ZNF431: variants seen among roughly 807,000 people sequenced by gnomAD.
The protein encoded by ZNF431 is zinc finger protein 431.
Under a neutral mutation model 57.0 loss-of-function variants are expected in ZNF431, and 34 were observed. That is an observed-to-expected ratio of 0.60 (90% CI 0.45 to 0.79). The LOEUF (loss-of-function observed/expected upper bound fraction) is 0.79. Ranked by LOEUF, ZNF431 falls within the 30% of genes least tolerant of loss-of-function variation. ZNF431 has a pLI of 0.00. For missense variants in ZNF431, 607 were observed against 667.1 expected (o/e 0.91, Z 0.99); for synonymous variants, 207 against 220.3 (o/e 0.94, Z 0.54).
intron 3 of ZNF431, 98 bp downstream of exon 3, chr19:21,166,559 G>T: frequency 7.4e-7 from 1 of 1,349,442 alleles, no homozygotes; most frequent in Non-Finnish European, 1.0e-6. Context: ...TTGTATAAAT[G>T]AGTTTCTAAT....
chr19:21,159,435 C>T (rs1440497926), intron 2 of ZNF431, among the ~76,000 whole-genome samples: 8 of 152,086 alleles, frequency 5.3e-5, no homozygotes, highest in South Asian at 2.1e-4. Context: ...TGCAGTGGCG[C>T]GATCTTGGCT....
At chr19:21,143,258 G>T (rs1236708145) in intron 1 of ZNF431, among the ~76,000 whole-genome samples, 2 of 152,084 alleles carry the variant, frequency 1.3e-5, no homozygotes, top group South Asian at 4.1e-4. Flanking sequence ...AAAAATATCT[G>T]TAAATATTTC....
chr19:21,152,820 C>T (rs1006483029), intron 2 of ZNF431, among the ~76,000 whole-genome samples: 5 of 152,124 alleles, frequency 3.3e-5, no homozygotes, highest in African/African-American at 1.2e-4. Flanking sequence ...TCAGAGGTCT[C>T]TTAAGTATAG....
intron 1 of ZNF431, 131 bp downstream of exon 1, chr19:21,142,317 G>T (rs376509725): frequency 1.6e-5 from 21 of 1,314,226 alleles, no homozygotes; most frequent in Non-Finnish European, 2.3e-5. Flanking sequence ...TCCTTGCCCA[G>T]CTCGGCCTCA....
In ZNF431 at chr19:21,183,472, A is replaced by G; in HGVS notation, c.1169A>G (p.His390Arg). 3 of 1,613,950 alleles carry G rather than the reference A, an allele frequency of 1.9e-6. No homozygotes were observed. The highest frequency in any genetic ancestry group is 2.5e-6 in the Non-Finnish European group (3 of 1,179,942). Residue 390 changes from histidine to arginine, a missense_variant, in exon 5 of 5, where the codon CAT becomes CGT. Coordinates refer to ENST00000311048, the MANE Select transcript of ZNF431 (RefSeq NM_133473.4). ...AATTGGTCCTCAACCCTTACTAAAC[A>G]TAAAAGAATTCATACTGGAGAGAAA... Reference protein sequence around the residue: ...GFNWSSTLTKHKRIHTGEKPY... With the variant: ...GFNWSSTLTKRKRIHTGEKPY...
At chr19:21,153,561 C>G (rs1411717949) in intron 2 of ZNF431, among the ~76,000 whole-genome samples, 1 of 152,234 alleles carries the variant, frequency 6.6e-6, no homozygotes, top group Non-Finnish European at 1.5e-5. Flanking sequence ...CTTCATTGTT[C>G]CCCACCTCTT....
intron 2 of ZNF431, among the ~76,000 whole-genome samples, chr19:21,164,023 G>C (rs1338257157): frequency 2.7e-5 from 4 of 150,292 alleles, no homozygotes; most frequent in Non-Finnish European, 5.9e-5. Context: ...GGATGTTGCA[G>C]TGAGCTGAGA....
intron 2 of ZNF431, among the ~76,000 whole-genome samples, chr19:21,147,936 A>AT (rs1970149421): frequency 6.6e-6 from 1 of 151,860 alleles, no homozygotes; most frequent in South Asian, 2.1e-4. Flanking sequence ...AATGAGCCAA[A>AT]TTTTTACTAT....
chr19:21,147,380 G>A (rs575477476), intron 2 of ZNF431, among the ~76,000 whole-genome samples: 127 of 152,106 alleles, frequency 8.3e-4, no homozygotes, highest in African/African-American at 3.0e-3. Context: ...TCCCAGCCTA[G>A]TTGGGAGGCT....
At chr19:21,158,205 T>C (rs1386818141) in intron 2 of ZNF431, among the ~76,000 whole-genome samples, 1 of 152,118 alleles carries the variant, frequency 6.6e-6, no homozygotes, top group East Asian at 1.9e-4. Flanking sequence ...TCTCTGACTT[T>C]TGTTGTTCTT....
At chr19:21,147,534 A>G (rs569302876) in intron 2 of ZNF431, among the ~76,000 whole-genome samples, 4 of 152,146 alleles carry the variant, frequency 2.6e-5, no homozygotes, top group East Asian at 1.9e-4. Context: ...AAAGTTAACT[A>G]TAAATCATCT....
intron 4 of ZNF431, among the ~76,000 whole-genome samples, chr19:21,178,905 G>GC (rs1599615621): frequency 6.6e-6 from 1 of 151,936 alleles, no homozygotes; most frequent in South Asian, 2.1e-4. Flanking sequence ...TTAAGGAGAG[G>GC]CCCCTCCTTT....
chr19:21,164,934 A>T (rs1317077969), intron 2 of ZNF431, among the ~76,000 whole-genome samples: 2 of 151,244 alleles, frequency 1.3e-5, no homozygotes, highest in African/African-American at 4.9e-5. Flanking sequence ...AAGATGGATA[A>T]ACCCCGTCTC....
rs182758813 is a variant in ZNF431 at position 21,192,188 on chromosome 19, A to C, written c.*8154A>C. ...TTTGTTTATTTATTTATTTATTTTG[A>C]GATGGAGTCTCGGTCTGTCACGCAG... On this transcript the variant is annotated 3_prime_UTR_variant, in exon 5 of 5. Transcript: ENST00000311048. The C allele has an allele frequency of 6.6e-6, 1 of 152,226 alleles. No homozygotes were observed. Among genetic ancestry groups the C allele is most frequent in the Non-Finnish European group, 1.5e-5 (1 of 67,998 alleles). The allele number at this position is 152,226 out of a possible 1,614,324, so 9.4% of individuals were successfully genotyped here.
Position 21,184,258 on chromosome 19 carries a change from G to C in ZNF431, c.*224G>C, listed in dbSNP as rs1599623652. ...CCATCTACTCGGGAGGCTTAGGCAG[G>C]ATAATCACTTGAACCTGGGAGGTGG... On this transcript the variant is annotated 3_prime_UTR_variant, in exon 5 of 5. Transcript: ENST00000311048. 2.6e-6 allele frequency: 1 copy of C among 384,056 alleles called. No homozygotes were observed. The highest frequency in any genetic ancestry group is 4.4e-5 in the East Asian group (1 of 22,584). The allele number at this position is 384,056 out of a possible 1,614,324, so 23.8% of individuals were successfully genotyped here.
rs1032159297 is a variant in ZNF431, at chr19:21,192,493, G to T, written c.*8459G>T. The T allele has an allele frequency of 6.6e-6, 1 of 152,094 alleles. No homozygotes were observed. Among genetic ancestry groups the T allele is most frequent in the Admixed American group, 6.6e-5 (1 of 15,264 alleles). The allele number at this position is 152,094 out of a possible 1,614,324, so 9.4% of individuals were successfully genotyped here. ...TTTATAATTTTTAAGATTTACTAAGGTCTTAGGCTTTTTTATACTTCAGAT... is the reference window on the plus strand; with the variant it reads ...TTTATAATTTTTAAGATTTACTAAGTTCTTAGGCTTTTTTATACTTCAGAT... On this transcript the variant is annotated 3_prime_UTR_variant, in exon 5 of 5. Transcript: ENST00000311048.
chr19:21,190,338 T>C lies in ZNF431; in HGVS notation c.*6304T>C, dbSNP rs1023131501. On this transcript the variant is annotated 3_prime_UTR_variant, in exon 5 of 5. Transcript: ENST00000311048. ...AAGTGCAAATGTTTCTTTATTCTTA[T>C]TTTGTTTTGGATATATACCCAGTAG... is the stretch of plus-strand genomic sequence containing the variant. 1.3e-5 allele frequency: 2 copies of C among 153,102 alleles called. No individual in the cohort carries two copies. Among genetic ancestry groups the C allele is most frequent in the African/African-American group, 2.4e-5 (1 of 41,512 alleles). The allele number at this position is 153,102 out of a possible 1,614,324, so 9.5% of individuals were successfully genotyped here. A position where few individuals can be genotyped will look rare whatever the true frequency, so the allele number is the denominator to read the frequency against.
At chr19:21,166,259 A>G (rs1599598937) in intron 2 of ZNF431, 76 bp from the exon 3 acceptor site, 2 of 1,555,180 alleles carry the variant, frequency 1.3e-6, no homozygotes, top group East Asian at 4.6e-5. Flanking sequence ...CTCTCAATTC[A>G]CCTTAATTCA....
In ZNF431 at chr19:21,173,957, CT is replaced by C. The variant is rs879827535; in HGVS notation, c.319+6301del. On this transcript the variant is annotated intron_variant, in intron 4 of 4. Coordinates refer to ENST00000311048, the MANE Select transcript of ZNF431 (RefSeq NM_133473.4). ...ATTTTTTCTTTCTTTGGTTTTTTTT[CT>C]TTTTTTTTTGGGAGTCTCACTCTCT... Among the ~76,000 whole-genome samples the C allele has an allele frequency of 1.2e-3, 171 of 142,226 alleles. 1 individual carries two copies. Among genetic ancestry groups the C allele is most frequent in the Non-Finnish European group, 2.0e-3 (130 of 64,584 alleles). 93.3% of individuals were successfully genotyped at this position (142,226 alleles called of 152,430 possible).
Sources: allele counts gnomAD v4.1 joint callset (sites outside exome capture counted in the v4.1 genomes callset), GRCh38; gene constraint gnomAD v4.1.1; transcripts MANE v1.5; gene names NCBI Gene and HGNC (gene_info 2026-07-23, HGNC 2026-07-21).